TANC2: variants seen among roughly 807,000 people sequenced by gnomAD.
TANC2 encodes the protein tetratricopeptide repeat, ankyrin repeat and coiled-coil containing 2.
In TANC2, 26 loss-of-function variants were observed where a neutral mutation model predicts 210.5. The observed-to-expected ratio is 0.12, with a 90% confidence interval of 0.09 to 0.17. The LOEUF is 0.17. TANC2 is among the 10% of genes least tolerant of loss of function. The pLI is 1.00. For missense variants in TANC2, 2,129 were observed against 2,608.9 expected, an observed-to-expected ratio of 0.82 and a Z score of 4.01; for synonymous variants, 931 against 967.1, an observed-to-expected ratio of 0.96 and a Z score of 0.69.
At chr17:63,152,431 T>G (rs2039684889) in intron 5 of TANC2, 1 of 152,112 alleles carries the variant, frequency 6.6e-6, no homozygotes, top group African/African-American at 2.4e-5. Context: ...GAGTCAATTT[T>G]GAATACTGAA....
intron 9 of TANC2, among the ~76,000 whole-genome samples, chr17:63,307,309 T>A (rs1258430313): frequency 2.0e-5 from 3 of 152,184 alleles, no homozygotes. Flanking sequence ...GAAGGACCCT[T>A]TCTTTTCTAG....
At chr17:63,153,196 C>T (rs1211683049) in intron 5 of TANC2, 1 of 152,010 alleles carries the variant, frequency 6.6e-6, no homozygotes, top group African/African-American at 2.4e-5. Flanking sequence ...AGTATACTCA[C>T]AAACCAAAAA....
At chr17:63,019,218 A>G (rs1238333691) in intron 2 of TANC2, among the ~76,000 whole-genome samples, 1 of 151,792 alleles carries the variant, frequency 6.6e-6, no homozygotes, top group African/African-American at 2.4e-5. Context: ...AATGTTATTT[A>G]TTTATTTATT....
chr17:63,207,946 G>T (rs780596444), intron 7 of TANC2, among the ~76,000 whole-genome samples: 2 of 152,114 alleles, frequency 1.3e-5, no homozygotes, highest in African/African-American at 2.4e-5. Context: ...ATCTAATTGT[G>T]ATATTAATTT....
At chr17:63,140,376 A>G (rs1041997255) in intron 4 of TANC2, among the ~76,000 whole-genome samples, 9 of 152,216 alleles carry the variant, frequency 5.9e-5, no homozygotes, top group African/African-American at 1.9e-4. Flanking sequence ...GTTGGTTTCT[A>G]ATTCACCCAA....
At position 63,398,930 on chromosome 17, in the gene TANC2, G is replaced by A. The variant is rs767396363; in HGVS notation, c.3331+16G>A. The stretch of plus-strand genomic sequence containing the variant: ...GGAGAGACAGGTACCTCTCATGGAC[G>A]TTGCCCTCAAGAATGTGTTGTGTTT... On this transcript the variant is annotated intron_variant, in intron 19 of 27. Transcript: ENST00000689528. 17 of 1,550,894 alleles carry A rather than the reference G, an allele frequency of 1.1e-5. No homozygotes were observed. Among genetic ancestry groups the A allele is most frequent in the African/African-American group, 4.1e-5 (3 of 73,376 alleles).
intron 7 of TANC2, among the ~76,000 whole-genome samples, chr17:63,225,406 A>G (rs1429014186): frequency 6.6e-6 from 1 of 152,036 alleles, no homozygotes; most frequent in East Asian, 1.9e-4. Flanking sequence ...CCCTCACTCT[A>G]CAAACTTCTT....
chr17:63,136,711 A>G (rs1478798396), intron 4 of TANC2, among the ~76,000 whole-genome samples: 1 of 152,186 alleles, frequency 6.6e-6, no homozygotes, highest in Non-Finnish European at 1.5e-5. Flanking sequence ...TTGCCTTCCC[A>G]CCAGAAACAA....
chr17:63,008,845 T>TGGGGGGGGGGGGGGGGGGGG (rs2033738198), intron 1 of TANC2, among the ~76,000 whole-genome samples: 1 of 4,960 alleles, frequency 2.0e-4, no homozygotes, highest in Admixed American at 2.9e-3. Context: ...GTGTGTGTGG[T>TGGGGGGGGGGGGGGGGGGGG]GGTGGGGGGT....
rs115963997 is a variant in TANC2, at chr17:63,283,525, G to A, written c.1159+15652G>A. Among the ~76,000 whole-genome samples, 646 of 151,854 alleles carry A rather than the reference G, an allele frequency of 4.3e-3. 6 individuals carry two copies. The highest frequency in any genetic ancestry group is 0.014 in the African/African-American group (563 of 41,472). On this transcript the variant is annotated intron_variant, in intron 9 of 27. Coordinates refer to ENST00000689528, the Ensembl canonical transcript of TANC2. ...GGAGATTGCATTGGATGGATGGATG[G>A]ATGGATGGACAGACGTACAGACAGA...
At chr17:63,276,797 A>C (rs752463849) in intron 9 of TANC2, among the ~76,000 whole-genome samples, 2 of 152,152 alleles carry the variant, frequency 1.3e-5, no homozygotes, top group Non-Finnish European at 2.9e-5. Flanking sequence ...CATTTATTGG[A>C]GTTCTTACTC....
intron 9 of TANC2, among the ~76,000 whole-genome samples, chr17:63,293,637 G>C (rs1032283803): frequency 6.6e-6 from 1 of 152,098 alleles, no homozygotes; most frequent in Non-Finnish European, 1.5e-5. Context: ...AGCTGCAGCT[G>C]TTTATATTTG....
At chr17:63,051,245 A>G (rs1404141440) in intron 2 of TANC2, among the ~76,000 whole-genome samples, 1 of 152,124 alleles carries the variant, frequency 6.6e-6, no homozygotes, top group Admixed American at 6.5e-5. Flanking sequence ...CTTCTTACCC[A>G]TACTTTCTGT....
Position 63,047,784 on chromosome 17 carries a change from G to C in TANC2, c.68-26159G>C, listed in dbSNP as rs577919955. Reference sequence around the variant, plus strand: ...ACGGAGACCCCTAAAACAAAAGACAGATTTGTTAACAATAAAAAAAGCATA... The same window carrying C: ...ACGGAGACCCCTAAAACAAAAGACACATTTGTTAACAATAAAAAAAGCATA... On this transcript the variant is annotated intron_variant, in intron 2 of 27. Coordinates refer to ENST00000689528, the Ensembl canonical transcript of TANC2. Among the ~76,000 whole-genome samples the C allele has an allele frequency of 7.2e-5, 11 of 152,230 alleles. No homozygotes were observed. In the East Asian group the frequency reaches 2.1e-3, roughly 29 times the overall value.
At chr17:63,308,385 AT>A in intron 9 of TANC2, among the ~76,000 whole-genome samples, 1 of 152,054 alleles carries the variant, frequency 6.6e-6, no homozygotes, top group Admixed American at 6.5e-5. Context: ...TTCTGGGACT[AT>A]TATAGTGAGT....
chr17:63,193,240 A>G (rs1187385469), intron 5 of TANC2, among the ~76,000 whole-genome samples: 6 of 152,078 alleles, frequency 3.9e-5, no homozygotes, highest in Non-Finnish European at 7.4e-5. Context: ...CTCTGGGAGG[A>G]TAATAGGAGA....
chr17:63,129,226 A>G (rs1424821893), intron 4 of TANC2, among the ~76,000 whole-genome samples: 2 of 151,132 alleles, frequency 1.3e-5, no homozygotes, highest in African/African-American at 4.9e-5. Flanking sequence ...CTGGTGGTAA[A>G]CTCCTGGGCC....
At chr17:63,081,469 C>T (rs1289064148) in intron 3 of TANC2, among the ~76,000 whole-genome samples, 1 of 152,130 alleles carries the variant, frequency 6.6e-6, no homozygotes, top group Non-Finnish European at 1.5e-5. Flanking sequence ...TGCAAGGATG[C>T]GTATGCATAT....
At chr17:63,056,615 G>A (rs750612593) in intron 2 of TANC2, among the ~76,000 whole-genome samples, 7 of 152,170 alleles carry the variant, frequency 4.6e-5, no homozygotes, top group Admixed American at 1.3e-4. Context: ...GGAGGTGGAG[G>A]TTGCAGTGAG....
Sources: gnomAD v4.1 joint callset for allele counts (sites outside exome capture counted in the v4.1 genomes callset) on GRCh38, gnomAD v4.1.1 for gene constraint, MANE v1.5 for transcripts, NCBI Gene and HGNC (gene_info 2026-07-23, HGNC 2026-07-21) for gene names.